Variants in CSMD1 observed in about 807,000 individuals in gnomAD.
CSMD1 encodes the protein CUB and Sushi multiple domains 1.
In CSMD1, 213 loss-of-function variants were observed where a neutral mutation model predicts 417.5. The observed-to-expected ratio is 0.51, with a 90% CI of 0.46 to 0.57. The LOEUF (loss-of-function observed/expected upper bound fraction) is 0.57, where lower values mean the gene tolerates loss of function less well. Among genes scored for constraint, CSMD1 ranks in the 20% least tolerant of loss-of-function variants. The pLI is 0.00. For synonymous variants in CSMD1, 2,862 were observed against 1,736.8 expected (o/e 1.65, Z -16.11); for missense variants, 6,923 against 4,529.7 (o/e 1.53, Z -15.17).
At chr8:3,387,466 G>C (rs367604038) in intron 18 of CSMD1, 28 bp downstream of exon 18, 23 of 1,562,948 alleles carry the variant, frequency 1.5e-5, no homozygotes, top group East Asian at 4.7e-5. Context: ...CACCCTGCTG[G>C]TGCATTGCCT....
At chr8:4,351,432 G>A (rs922151094) in intron 3 of CSMD1, among the ~76,000 whole-genome samples, 5 of 152,204 alleles carry the variant, frequency 3.3e-5, no homozygotes, top group East Asian at 3.8e-4. Flanking sequence ...GGTAAGAAGA[G>A]TTACTTAAAA....
intron 10 of CSMD1, among the ~76,000 whole-genome samples, chr8:3,505,601 C>T (rs968982349): frequency 6.6e-5 from 10 of 152,032 alleles, no homozygotes; most frequent in Non-Finnish European, 1.3e-4. Flanking sequence ...GTACACAAAC[C>T]CAGAAGAACA....
intron 51 of CSMD1, among the ~76,000 whole-genome samples, chr8:3,020,258 G>C (rs1056439871): frequency 3.3e-5 from 5 of 152,228 alleles, no homozygotes; most frequent in Non-Finnish European, 2.9e-5. Context: ...AACTAACAAT[G>C]AAAGTATAAA....
At chr8:3,839,305 T>C (rs1259789223) in intron 5 of CSMD1, among the ~76,000 whole-genome samples, 2 of 124,084 alleles carry the variant, frequency 1.6e-5, no homozygotes, top group African/African-American at 3.0e-5. Flanking sequence ...TACTATTATA[T>C]ATACTATTAA....
chr8:4,068,166 G>C (rs4445244), intron 3 of CSMD1, among the ~76,000 whole-genome samples: 1 of 152,118 alleles, frequency 6.6e-6, no homozygotes, highest in Admixed American at 6.5e-5. Flanking sequence ...GTCATTTAGG[G>C]TTTTCTTAGG....
chr8:4,453,513 G>T (rs1343833628), intron 2 of CSMD1, among the ~76,000 whole-genome samples: 1 of 152,168 alleles, frequency 6.6e-6, no homozygotes, highest in Non-Finnish European at 1.5e-5. Context: ...AGGCCTTCTT[G>T]CATCAGATTC....
intron 12 of CSMD1, among the ~76,000 whole-genome samples, chr8:3,432,473 C>T (rs1814275598): frequency 6.7e-6 from 1 of 149,630 alleles, no homozygotes; most frequent in Admixed American, 6.7e-5. Flanking sequence ...TACTCCTTCC[C>T]ATTACTGAAA....
At chr8:4,214,091 T>G (rs1430766952) in intron 3 of CSMD1, among the ~76,000 whole-genome samples, 5 of 152,132 alleles carry the variant, frequency 3.3e-5, no homozygotes, top group African/African-American at 9.7e-5. Context: ...TCCAGCATCT[T>G]ACTCCCTCAA....
intron 3 of CSMD1, among the ~76,000 whole-genome samples, chr8:4,337,838 C>T (rs897743339): frequency 6.6e-6 from 1 of 152,100 alleles, no homozygotes; most frequent in Admixed American, 6.6e-5. Flanking sequence ...TATAAAACTT[C>T]TTGTTCCTTC....
intron 11 of CSMD1, among the ~76,000 whole-genome samples, chr8:3,488,439 G>T (rs769498911): frequency 6.6e-6 from 1 of 152,076 alleles, no homozygotes; most frequent in Non-Finnish European, 1.5e-5. Context: ...TTACATTCAA[G>T]GCTAAAACCG....
chr8:4,779,502 T>C (rs1398000831), intron 1 of CSMD1, among the ~76,000 whole-genome samples: 1 of 152,154 alleles, frequency 6.6e-6, no homozygotes, highest in Non-Finnish European at 1.5e-5. Context: ...TGCAGAGTCC[T>C]AAACCCAATG....
intron 1 of CSMD1, among the ~76,000 whole-genome samples, chr8:4,962,774 A>G (rs1809593449): frequency 6.6e-6 from 1 of 152,214 alleles, no homozygotes. Context: ...TATGGCAGAG[A>G]GAGGGGACAA....
At chr8:4,494,759 A>G (rs1271320552) in intron 2 of CSMD1, among the ~76,000 whole-genome samples, 2 of 152,282 alleles carry the variant, frequency 1.3e-5, no homozygotes, top group Admixed American at 6.5e-5. Flanking sequence ...CTTGTTGATT[A>G]CCTATTCTCT....
intron 18 of CSMD1, among the ~76,000 whole-genome samples, chr8:3,374,570 C>A (rs1810189675): frequency 6.6e-6 from 1 of 152,194 alleles, no homozygotes; most frequent in Non-Finnish European, 1.5e-5. Context: ...GACGGACATG[C>A]TGGTGAATCA....
intron 25 of CSMD1, among the ~76,000 whole-genome samples, chr8:3,306,111 G>A (rs1249529131): frequency 1.3e-5 from 2 of 152,028 alleles, no homozygotes; most frequent in African/African-American, 2.4e-5. Context: ...TGTATAATAT[G>A]CATTTTCCTC....
At chr8:4,354,586 T>G (rs1195867434) in intron 3 of CSMD1, among the ~76,000 whole-genome samples, 2 of 152,132 alleles carry the variant, frequency 1.3e-5, no homozygotes, top group East Asian at 3.9e-4. Context: ...TCACCGTGAC[T>G]CAACCTTACC....
chr8:3,961,625 A>T (rs1812331147), intron 5 of CSMD1, among the ~76,000 whole-genome samples: 1 of 152,234 alleles, frequency 6.6e-6, no homozygotes, highest in Non-Finnish European at 1.5e-5. Flanking sequence ...TGTAACACAA[A>T]ATCTGTTTTA....
At chr8:4,078,706 T>A (rs1799960444) in intron 3 of CSMD1, among the ~76,000 whole-genome samples, 1 of 151,196 alleles carries the variant, frequency 6.6e-6, no homozygotes, top group Admixed American at 6.6e-5. Context: ...TTTAAAATTA[T>A]TTGTTCTCCA....
intron 6 of CSMD1, among the ~76,000 whole-genome samples, chr8:3,733,358 T>C (rs1796365976): frequency 6.8e-6 from 1 of 147,892 alleles, no homozygotes; most frequent in South Asian, 2.1e-4. Flanking sequence ...ATTATATATA[T>C]AATATATATA....
Sources: gnomAD v4.1 joint callset for allele counts (sites outside exome capture counted in the v4.1 genomes callset) on GRCh38, gnomAD v4.1.1 for gene constraint, MANE v1.5 for transcripts, NCBI Gene and HGNC (gene_info 2026-07-23, HGNC 2026-07-21) for gene names.